The following CGREF1 variants were observed in gnomAD, a reference collection of about 807,000 sequenced individuals.
The protein encoded by CGREF1 is cell growth regulator with EF hand domain protein 1.
CGREF1 carries 16 observed loss-of-function variants against 17.4 expected under a neutral mutation model. The observed-to-expected ratio is 0.92, with a 90% confidence interval of 0.62 to 1.40. The LOEUF (loss-of-function observed/expected upper bound fraction) is 1.40, where lower values mean the gene tolerates loss of function less well. CGREF1 is among the 40% of genes most tolerant of loss of function. The pLI, the probability that CGREF1 is intolerant of heterozygous loss-of-function variation, is 0.00. For synonymous variants in CGREF1, 142 were observed against 154.6 expected (o/e 0.92, Z 0.61); for missense variants, 296 against 376.4 (o/e 0.79, Z 1.77).
intron 2 of CGREF1, among the ~76,000 whole-genome samples, chr2:27,103,538 A>G (rs979841702): frequency 2.0e-5 from 3 of 151,816 alleles, no homozygotes; most frequent in Admixed American, 1.3e-4. Context: ...ATGCCCGGCT[A>G]ATTGTTTTTT....
At position 27,101,320 on chromosome 2, in the gene CGREF1, T is replaced by C. The variant is rs1670819026; in HGVS notation, c.911A>G (p.Asn304Ser). The change falls in exon 6 of 6, where the codon AAT becomes AGT. Residue 304 changes from asparagine to serine, a missense_variant. Physicochemically the swap from Asn to Ser is conservative, Grantham distance 46. Transcript: ENST00000402394. ...GETLESKNTQ[N>S]DFEVHIVQVE... The stretch of plus-strand genomic sequence containing the variant: ...TTGAACAATGTGCACCTCAAAGTCA[T>C]TTTGGGTGTTCTTAGACTCCAGTGT... 1.3e-6 allele frequency: 2 copies of C among 1,596,302 alleles called. No homozygotes were observed. Among genetic ancestry groups the C allele is most frequent in the African/African-American group, 1.3e-5 (1 of 74,166 alleles).
rs769996481 is a variant in CGREF1, at chr2:27,101,552, C to T, written c.679G>A (p.Gly227Ser). 1 of 1,613,246 alleles carries T rather than the reference C, an allele frequency of 6.2e-7. No homozygotes were observed. The highest frequency in any genetic ancestry group is 8.5e-7 in the Non-Finnish European group (1 of 1,179,938). The stretch of plus-strand genomic sequence containing the variant: ...GCATCTCCTTTAGCCTCTGCCTGGC[C>T]CTCAGCTTCCCCTCTGGGCCCTGGA... ...DVPGPRGEAE[G>S]QAEAKGDAPG... Residue 227 changes from glycine to serine, a missense_variant, in exon 6 of 6, where the codon GGC becomes AGC. By Grantham distance (56) the Gly-to-Ser change is moderately conservative. Transcript: ENST00000402394.
chr2:27,104,756 A>T, intron 1 of CGREF1: 20 of 1,489,456 alleles, frequency 1.3e-5, no homozygotes, highest in Non-Finnish European at 1.8e-5. Flanking sequence ...AGGAGCGCAG[A>T]AAGTTTAAGA....
At chr2:27,106,927 G>A (rs769171845) in intron 1 of CGREF1, among the ~76,000 whole-genome samples, 12 of 152,098 alleles carry the variant, frequency 7.9e-5, no homozygotes, top group Non-Finnish European at 1.5e-4. Context: ...CTCTAATGTG[G>A]GTTTGAAGCC....
In CGREF1 at chr2:27,100,953, T is replaced by C. The variant is rs1670786595; in HGVS notation, c.*321A>G. On this transcript the variant is annotated 3_prime_UTR_variant, in exon 6 of 6. Coordinates refer to ENST00000402394, the MANE Select transcript of CGREF1 (RefSeq NM_006569.6). ...CGGCCATGGCTAGCACCATGCGCTC[T>C]GCTGCCGGAGCACCGTGAGGCCCAG... 1 of 1,145,708 alleles carries C rather than the reference T, an allele frequency of 8.7e-7. No homozygotes were observed. Among genetic ancestry groups the C allele is most frequent in the Non-Finnish European group, 1.1e-6 (1 of 931,772 alleles). 71.0% of individuals were successfully genotyped at this position (1,145,708 alleles called of 1,614,324 possible).
chr2:27,102,418 G>A lies in CGREF1; in HGVS notation c.159C>T (p.Ser53=), dbSNP rs777277662. 2 of 1,614,102 alleles carry A rather than the reference G, an allele frequency of 1.2e-6. No individual in the cohort carries two copies. The highest frequency in any genetic ancestry group is 1.7e-5 in the Admixed American group (1 of 60,026). The change falls in exon 4 of 6, where the codon AGC becomes AGT. Residue 53 remains serine, a synonymous_variant. Transcript: ENST00000402394. The part of the protein sequence containing the change: ...PGQEQLGLLQ[S]YLKGLGRTEV... ...CTGTCCTTCCTAGTCCCTTTAGGTA[G>A]CTCTGCAGAAGTCTGTCAGAAAAGT...
Position 27,101,123 on chromosome 2 carries a change from G to GTC in CGREF1, c.*149_*150dup. The GTC allele has an allele frequency of 1.4e-6, 2 of 1,409,116 alleles. No homozygotes were observed. The highest frequency in any genetic ancestry group is 1.8e-6 in the Non-Finnish European group (2 of 1,088,644). The allele number at this position is 1,409,116 out of a possible 1,614,324, so 87.3% of individuals were successfully genotyped here. A position where few individuals can be genotyped will look rare whatever the true frequency, so the allele number is the denominator to read the frequency against. Reference sequence around the variant, plus strand: ...TTGGTAATCTGCCCCTTAACTTAGGGTCTCCCTGAGCTGCACAGAAAGACC... The same window carrying GTC: ...TTGGTAATCTGCCCCTTAACTTAGGGTCTCTCCCTGAGCTGCACAGAAAGACC... On this transcript the variant is annotated 3_prime_UTR_variant, in exon 6 of 6. Coordinates refer to ENST00000402394, the MANE Select transcript of CGREF1 (RefSeq NM_006569.6).
Position 27,104,268 on chromosome 2 carries a change from G to A in CGREF1, c.80+19C>T. ...TTCCCTCCTCCCAGCCCTTGGCCCT[G>A]CCCTCATAACCCTGTTACCTTGTGA... On this transcript the variant is annotated intron_variant, in intron 2 of 5. Coordinates refer to ENST00000402394, the MANE Select transcript of CGREF1 (RefSeq NM_006569.6). 1 of 1,535,694 alleles carries A rather than the reference G, an allele frequency of 6.5e-7. No homozygotes were observed. Among genetic ancestry groups the A allele is most frequent in the South Asian group, 1.3e-5 (1 of 76,898 alleles).
Position 27,106,022 on chromosome 2 carries a change from G to A in CGREF1, c.-11-1645C>T, listed in dbSNP as rs1572895758. On this transcript the variant is annotated intron_variant, in intron 1 of 5. Transcript: ENST00000402394. ...CCTAGGGTTTTAGTCGTTGCACCTG[G>A]AAGAGAAGACAAGGTCCTGGGCCCG... is the stretch of plus-strand genomic sequence containing the variant. Among the ~76,000 whole-genome samples, 3 of 152,324 alleles carry A rather than the reference G, an allele frequency of 2.0e-5. No individual in the cohort carries two copies. In the East Asian group the frequency reaches 5.8e-4, roughly 29 times the overall value.
In CGREF1 at chr2:27,107,748, C is replaced by T. The variant is rs1411550878; in HGVS notation, c.-11-3371G>A. Among the ~76,000 whole-genome samples, 2 of 150,496 alleles carry T rather than the reference C, an allele frequency of 1.3e-5. 1 individual carries two copies. Among genetic ancestry groups the T allele is most frequent in the African/African-American group, 4.9e-5 (2 of 40,954 alleles). On this transcript the variant is annotated intron_variant, in intron 1 of 5. Transcript: ENST00000402394. The stretch of plus-strand genomic sequence containing the variant: ...AGGTGATTGAGACCATCCTGGCCAA[C>T]ATGGTGAAACCCCGTCTCTACTAAA...
chr2:27,102,285 G>A (rs1397458983), intron 4 of CGREF1, 64 bp from the exon 5 acceptor site: 1 of 1,612,126 alleles, frequency 6.2e-7, no homozygotes, highest in African/African-American at 1.3e-5. Flanking sequence ...AGGAGTCAAT[G>A]GGGCAGCCGA....
At chr2:27,105,671 C>T (rs1051912901) in intron 1 of CGREF1, among the ~76,000 whole-genome samples, 2 of 152,094 alleles carry the variant, frequency 1.3e-5, no homozygotes, top group African/African-American at 4.8e-5. Context: ...CTCAGCCTCC[C>T]GAGTAGCTGG....
chr2:27,109,626 C>G (rs955709621), intron 1 of CGREF1, among the ~76,000 whole-genome samples: 1 of 152,108 alleles, frequency 6.6e-6, no homozygotes, highest in Non-Finnish European at 1.5e-5. Flanking sequence ...TGGCTCACGC[C>G]TGTAATCCCA....
At chr2:27,107,253 T>TG (rs200978986) in intron 1 of CGREF1, among the ~76,000 whole-genome samples, 5,742 of 84,740 alleles carry the variant, frequency 0.068, 368 homozygotes, top group African/African-American at 0.2. Context: ...AGTTCACATT[T>TG]TTTTTGTTTT....
intron 1 of CGREF1, among the ~76,000 whole-genome samples, chr2:27,113,682 T>C (rs1372081051): frequency 1.3e-5 from 2 of 152,182 alleles, no homozygotes; most frequent in Admixed American, 6.5e-5. Context: ...GTTCTCCATC[T>C]GTAATGCGGG....
intron 2 of CGREF1, 104 bp downstream of exon 2, chr2:27,104,183 C>T (rs1001369137): frequency 5.9e-6 from 7 of 1,176,684 alleles, no homozygotes; most frequent in Non-Finnish European, 8.2e-6. Context: ...ATCGGGGAAC[C>T]TACACCCCAG....
intron 5 of CGREF1, 38 bp downstream of exon 5, chr2:27,102,059 T>A (rs1558458117): frequency 6.3e-7 from 1 of 1,579,112 alleles, no homozygotes; most frequent in Admixed American, 1.8e-5. Context: ...AAGTGCTGGG[T>A]CTCCTTTATG....
At chr2:27,104,861 CA>C (rs1168215226) in intron 1 of CGREF1, 2 of 1,359,452 alleles carry the variant, frequency 1.5e-6, no homozygotes, top group East Asian at 5.1e-5. Context: ...ATTAAAAACC[CA>C]CTGAAGAACA....
chr2:27,118,972 C>A lies in CGREF1; in HGVS notation c.-138G>T. On this transcript the variant is annotated 5_prime_UTR_variant, in exon 1 of 6. The change creates a new upstream start codon in the 5' untranslated region. Transcript: ENST00000402394. ...CTCCACGTGGCCGCTCCACGTCGCC[C>A]TCCCGGCTGGAGCCGCCGCCCTGGC... 6.6e-6 allele frequency: 1 copy of A among 152,036 alleles called. No homozygotes were observed. Among genetic ancestry groups the A allele is most frequent in the South Asian group, 1.8e-4 (1 of 5,496 alleles). 9.4% of individuals were successfully genotyped at this position (152,036 alleles called of 1,614,324 possible).
Sources: allele counts gnomAD v4.1 joint callset (sites outside exome capture counted in the v4.1 genomes callset), GRCh38; gene constraint gnomAD v4.1.1; transcripts MANE v1.5; gene names NCBI Gene and HGNC (gene_info 2026-07-23, HGNC 2026-07-21).